DLEC1: variants seen among roughly 807,000 people sequenced by gnomAD.
The protein encoded by DLEC1 is DLEC1 cilia and flagella associated protein, also known as deleted in lung and esophageal cancer protein 1.
In DLEC1, 146 loss-of-function variants were observed where a neutral mutation model predicts 198.1. The ratio of observed to expected loss-of-function variants is 0.74; its 90% CI spans 0.64 to 0.85. The LOEUF is 0.85. Among genes scored for constraint, DLEC1 ranks in the 40% least tolerant of loss-of-function variants. The pLI is 0.00. For missense variants in DLEC1, 2,233 were observed against 2,220.0 expected, an observed-to-expected ratio of 1.01 and a Z score of -0.12; for synonymous variants, 897 against 866.8, an observed-to-expected ratio of 1.03 and a Z score of -0.61.
At position 38,122,336 on chromosome 3, in the gene DLEC1, G is replaced by C; in HGVS notation, c.5192G>C (p.Gly1731Ala). The C allele has an allele frequency of 6.2e-7, 1 of 1,614,148 alleles. No individual in the cohort carries two copies. Among genetic ancestry groups the C allele is most frequent in the Non-Finnish European group, 8.5e-7 (1 of 1,180,032 alleles). ...ESTMVVEGVL[G>A]EKSCTLRLRG... The stretch of plus-strand genomic sequence containing the variant: ...ACGATGGTGGTGGAAGGTGTGCTCG[G>C]TGAGAAGTCCTGCACCCTGCGGCTC... The change falls in exon 37 of 37, where the codon GGT becomes GCT. Residue 1731 changes from glycine (G) to alanine (A), a missense_variant. Transcript: ENST00000308059.
chr3:38,083,982 G>A (rs1176053890), intron 6 of DLEC1, among the ~76,000 whole-genome samples, 176 bp from the exon 7 acceptor site: 1 of 152,024 alleles, frequency 6.6e-6, no homozygotes, highest in Non-Finnish European at 1.5e-5. Flanking sequence ...AAGTACATAG[G>A]ATGGCATAAT....
At chr3:38,097,085 G>A (rs531311269) in intron 15 of DLEC1, 97 bp from the exon 16 acceptor site, 3 of 1,198,296 alleles carry the variant, frequency 2.5e-6, no homozygotes, top group Admixed American at 2.3e-5. Flanking sequence ...GTGTCATATG[G>A]ACTCTTTACG....
chr3:38,050,140 C>T (rs9872224), intron 2 of DLEC1, among the ~76,000 whole-genome samples: 5 of 151,698 alleles, frequency 3.3e-5, no homozygotes, highest in African/African-American at 1.2e-4. Flanking sequence ...GCAATCTTAG[C>T]TCACTGCAAC....
chr3:38,100,829 C>T (rs1699267852), intron 19 of DLEC1, among the ~76,000 whole-genome samples: 1 of 152,126 alleles, frequency 6.6e-6, no homozygotes, highest in Non-Finnish European at 1.5e-5. Flanking sequence ...TAGAAAAAAC[C>T]ACTGTCTGTC....
chr3:38,076,758 A>C (rs886265925), intron 6 of DLEC1, among the ~76,000 whole-genome samples: 22 of 152,144 alleles, frequency 1.4e-4, no homozygotes, highest in African/African-American at 5.1e-4. Flanking sequence ...TTCTTATATT[A>C]ATAAGAAAAA....
chr3:38,102,404 G>T (rs1646896886), intron 19 of DLEC1, among the ~76,000 whole-genome samples: 1 of 152,170 alleles, frequency 6.6e-6, no homozygotes, highest in Admixed American at 6.5e-5. Context: ...AAGCTTTGTT[G>T]TTCTTGCGTC....
chr3:38,075,714 A>T (rs1260181152), intron 6 of DLEC1, among the ~76,000 whole-genome samples: 5 of 151,674 alleles, frequency 3.3e-5, no homozygotes, highest in Non-Finnish European at 7.4e-5. Flanking sequence ...GAAATAAGGG[A>T]TTGGGGCACA....
chr3:38,075,014 G>C (rs1697530020), intron 6 of DLEC1, among the ~76,000 whole-genome samples: 2 of 152,108 alleles, frequency 1.3e-5, no homozygotes, highest in Non-Finnish European at 2.9e-5. Context: ...GGTGTGAGGA[G>C]GGGAGGTGGT....
rs1700546226 is a variant in DLEC1, at chr3:38,039,455, C to T, written c.230C>T (p.Pro77Leu). ...CTTGCGCTGGCGCAGCGTCCCGAGC[C>T]TCAGCTGCTTCGTCTGCGCCCCTCC... is the stretch of plus-strand genomic sequence containing the variant. ...TQLALAQRPEPQLLRLRPSSL... is the reference protein window; with the variant it reads ...TQLALAQRPELQLLRLRPSSL... Residue 77 changes from proline (P) to leucine (L), a missense_variant, in exon 1 of 37, where the codon CCT becomes CTT. Physicochemically the swap from Pro to Leu is moderately conservative, Grantham distance 98. Transcript: ENST00000308059. 2 of 1,614,016 alleles carry T rather than the reference C, an allele frequency of 1.2e-6. No homozygotes were observed. Among genetic ancestry groups the T allele is most frequent in the South Asian group, 1.1e-5 (1 of 91,084 alleles).
At chr3:38,109,638 A>C in intron 22 of DLEC1, 76 bp downstream of exon 22, 1 of 1,602,606 alleles carries the variant, frequency 6.2e-7, no homozygotes, top group South Asian at 1.1e-5. Context: ...CCAGCACGGC[A>C]CTGTGGTATC....
At chr3:38,072,322 CAT>C (rs1697364616) in intron 6 of DLEC1, among the ~76,000 whole-genome samples, 1 of 152,114 alleles carries the variant, frequency 6.6e-6, no homozygotes, top group African/African-American at 2.4e-5. Context: ...GTGAGTTGAG[CAT>C]AGTTTGTGAT....
In DLEC1 at chr3:38,100,335, G is replaced by A. The variant is rs756784916; in HGVS notation, c.2774G>A (p.Gly925Glu). Residue 925 changes from glycine (G) to glutamate (E), a missense_variant, in exon 19 of 37, where the codon GGG (glycine) becomes GAG (glutamate). Gly to Glu is a moderately conservative substitution (Grantham distance 98). Coordinates refer to ENST00000308059, the MANE Select transcript of DLEC1 (RefSeq NM_007335.4). ...TCGAGTGGCCAGCTTCACTCTCTGG[G>A]GGAGTGCAGGGTGGACATCACCTTG... ...EPSSGQLHSL[G>E]ECRVDITLEA... 8 of 1,613,806 alleles carry A rather than the reference G, an allele frequency of 5.0e-6. No individual in the cohort carries two copies. Among genetic ancestry groups the A allele is most frequent in the Middle Eastern group, 1.6e-4 (1 of 6,082 alleles).
intron 15 of DLEC1, 100 bp from the exon 16 acceptor site, chr3:38,097,082 A>G: frequency 1.7e-6 from 2 of 1,172,068 alleles, no homozygotes; most frequent in Non-Finnish European, 2.4e-6. Context: ...GAAGTGTCAT[A>G]TGGACTCTTT....
chr3:38,070,079 C>A (rs1046234453), intron 6 of DLEC1, among the ~76,000 whole-genome samples: 3 of 151,962 alleles, frequency 2.0e-5, no homozygotes, highest in African/African-American at 7.3e-5. Flanking sequence ...AAGATGTGTA[C>A]CTGTATTGAT....
At chr3:38,060,328 G>T (rs1207857514) in intron 3 of DLEC1, among the ~76,000 whole-genome samples, 1 of 152,190 alleles carries the variant, frequency 6.6e-6, no homozygotes, top group Non-Finnish European at 1.5e-5. Flanking sequence ...AGTTTCCTGT[G>T]ATATGGGAGG....
In DLEC1 at chr3:38,043,477, G is replaced by C. The variant is rs74350058; in HGVS notation, c.412-2066G>C. ...ACTTTATATTTGAGGAACTGTCCCA[G>C]GCCACTGTCTCCTGAAAAACATTTC... On this transcript the variant is annotated intron_variant, in intron 1 of 36. Coordinates refer to ENST00000308059, the MANE Select transcript of DLEC1 (RefSeq NM_007335.4). 4.4e-4 allele frequency among the ~76,000 whole-genome samples: 67 copies of C among 152,184 alleles called. 1 individual carries two copies. The South Asian group carries it at 0.013, about 29-fold the overall frequency.
chr3:38,041,238 G>A lies in DLEC1; in HGVS notation c.411+1602G>A, dbSNP rs543470962. Among the ~76,000 whole-genome samples the A allele has an allele frequency of 7.2e-5, 11 of 152,012 alleles. No individual in the cohort carries two copies. In the East Asian group the frequency reaches 2.0e-3, roughly 27 times the overall value. ...AGGATGGTCTCGATCTCCTGACCTCGTGATCTGCCCACCTTGGCCTCCCAA... is the reference window on the plus strand; with the variant it reads ...AGGATGGTCTCGATCTCCTGACCTCATGATCTGCCCACCTTGGCCTCCCAA... On this transcript the variant is annotated intron_variant, in intron 1 of 36. Transcript: ENST00000308059.
intron 6 of DLEC1, among the ~76,000 whole-genome samples, chr3:38,073,417 T>C (rs1697431357): frequency 1.3e-5 from 2 of 152,010 alleles, no homozygotes; most frequent in South Asian, 4.1e-4. Flanking sequence ...GATATTGGCA[T>C]TGAGTGGGGT....
chr3:38,110,344 C>G (rs878916475), intron 23 of DLEC1, 63 bp downstream of exon 23: 1 of 1,587,466 alleles, frequency 6.3e-7, no homozygotes, highest in South Asian at 1.1e-5. Flanking sequence ...CCCTGTTGAG[C>G]CTCTGTGTGG....
Sources: allele counts gnomAD v4.1 joint callset (sites outside exome capture counted in the v4.1 genomes callset), GRCh38; gene constraint gnomAD v4.1.1; transcripts MANE v1.5; gene names NCBI Gene and HGNC (gene_info 2026-07-23, HGNC 2026-07-21).